NTM: variants seen among roughly 807,000 people sequenced by gnomAD.
NTM encodes the protein neurotrimin, also known as IgLON family member 2.
Under a neutral mutation model 42.1 loss-of-function variants are expected in NTM, and 13 were observed. That is an observed-to-expected ratio of 0.31 (90% CI 0.20 to 0.49). NTM has a LOEUF of 0.49. NTM is among the 20% of genes least tolerant of loss of function. The pLI, the probability that NTM is intolerant of heterozygous loss-of-function variation, is 0.99. For missense variants in NTM, 373 were observed against 452.8 expected (o/e 0.82, Z 1.60); for synonymous variants, 187 against 179.2 (o/e 1.04, Z -0.35).
intron 1 of NTM, among the ~76,000 whole-genome samples, chr11:131,572,100 C>T (rs2057491983): frequency 6.6e-6 from 1 of 152,174 alleles, no homozygotes; most frequent in Admixed American, 6.5e-5. Context: ...ACCCACGGTG[C>T]TTGGCTGGTG....
intron 1 of NTM, among the ~76,000 whole-genome samples, chr11:131,901,892 G>A (rs1306124787): frequency 6.6e-6 from 1 of 152,200 alleles, no homozygotes; most frequent in Non-Finnish European, 1.5e-5. Flanking sequence ...CTCACGACCT[G>A]CAGTACCACT....
intron 1 of NTM, among the ~76,000 whole-genome samples, chr11:131,903,339 G>A (rs1429289500): frequency 2.0e-5 from 3 of 152,076 alleles, no homozygotes; most frequent in Non-Finnish European, 4.4e-5. Flanking sequence ...TTCCCAAATG[G>A]GCAATTAATT....
chr11:131,496,316 C>A (rs1260722761), intron 1 of NTM, among the ~76,000 whole-genome samples: 1 of 152,222 alleles, frequency 6.6e-6, no homozygotes. Context: ...TGGAGTTCAG[C>A]CCCATGTCTG....
Position 132,228,780 on chromosome 11 carries a change from C to A in NTM, c.526+16633C>A, listed in dbSNP as rs377332776. 1.5e-4 allele frequency among the ~76,000 whole-genome samples: 23 copies of A among 152,330 alleles called. 1 individual carries two copies. The highest frequency in any genetic ancestry group is 5.3e-4 in the African/African-American group (22 of 41,584). ...CGTGTGCTGACATGTCTTCTCTCTG[C>A]ATCACCAGTTTCCTAGACCTCTTGG... On this transcript the variant is annotated intron_variant, in intron 4 of 8. Transcript: ENST00000683400.
intron 1 of NTM, among the ~76,000 whole-genome samples, chr11:131,895,829 G>A (rs2052179257): frequency 6.6e-6 from 1 of 152,124 alleles, no homozygotes; most frequent in Non-Finnish European, 1.5e-5. Flanking sequence ...AACCTGAATA[G>A]GATTTAGAAA....
At chr11:132,274,057 C>A (rs2093614575) in intron 4 of NTM, among the ~76,000 whole-genome samples, 1 of 152,050 alleles carries the variant, frequency 6.6e-6, no homozygotes, top group South Asian at 2.1e-4. Flanking sequence ...CCTTTTTGTT[C>A]TGTAAGTTTG....
intron 3 of NTM, among the ~76,000 whole-genome samples, chr11:132,154,555 G>T (rs549484906): frequency 3.3e-4 from 50 of 152,292 alleles, no homozygotes; most frequent in African/African-American, 1.1e-3. Flanking sequence ...CAAATAGAGG[G>T]TGTGGTACTG....
intron 1 of NTM, among the ~76,000 whole-genome samples, chr11:131,775,897 C>A (rs1302799910): frequency 2.0e-5 from 3 of 152,130 alleles, no homozygotes; most frequent in African/African-American, 7.2e-5. Context: ...TAATAAGTGA[C>A]TATTTGGGAT....
At chr11:132,162,036 C>T (rs2074398578) in intron 3 of NTM, among the ~76,000 whole-genome samples, 1 of 152,204 alleles carries the variant, frequency 6.6e-6, no homozygotes, top group South Asian at 2.1e-4. Context: ...CACTAGGTTT[C>T]AGGTGTCTTT....
intron 7 of NTM, 168 bp downstream of exon 7, chr11:132,314,871 CAGAGAGACAGG>C (rs1446933888): frequency 1.8e-5 from 25 of 1,363,614 alleles, no homozygotes; most frequent in Non-Finnish European, 2.3e-5. Flanking sequence ...GAGAGAGGGA[CAGAGAGACAGG>C]GAGGAGGCAG....
At chr11:132,048,828 T>C (rs1594111962) in intron 2 of NTM, among the ~76,000 whole-genome samples, 2 of 124,900 alleles carry the variant, frequency 1.6e-5, no homozygotes, top group East Asian at 1.9e-4. Context: ...CTTTTTTTTT[T>C]TTTTTTTTTA....
At chr11:131,618,396 C>T (rs2137620460) in intron 1 of NTM, among the ~76,000 whole-genome samples, 1 of 152,344 alleles carries the variant, frequency 6.6e-6, no homozygotes, top group African/African-American at 2.4e-5. Flanking sequence ...TGGCCAAGTG[C>T]AATCCAAGAT....
At chr11:131,950,030 G>A (rs1175913694) in intron 2 of NTM, among the ~76,000 whole-genome samples, 1 of 152,144 alleles carries the variant, frequency 6.6e-6, no homozygotes, top group Non-Finnish European at 1.5e-5. Flanking sequence ...CTACCTTGGT[G>A]CTTGACCATA....
chr11:132,090,562 T>C (rs1224186480), intron 2 of NTM, among the ~76,000 whole-genome samples: 2 of 152,132 alleles, frequency 1.3e-5, no homozygotes, highest in Non-Finnish European at 2.9e-5. Context: ...AATCAGAAAA[T>C]TTAGTGAAAT....
intron 7 of NTM, among the ~76,000 whole-genome samples, chr11:132,320,927 A>T (rs1317039657): frequency 6.6e-6 from 1 of 151,380 alleles, no homozygotes; most frequent in Non-Finnish European, 1.5e-5. Flanking sequence ...CTGACACCTC[A>T]CACTGCAGGG....
intron 1 of NTM, among the ~76,000 whole-genome samples, chr11:131,824,154 G>A (rs1312289724): frequency 2.0e-5 from 3 of 152,338 alleles, no homozygotes; most frequent in East Asian, 3.9e-4. Flanking sequence ...ACATAAGCTT[G>A]AGGCTGAAGA....
At chr11:131,837,429 T>C (rs1369677359) in intron 1 of NTM, among the ~76,000 whole-genome samples, 1 of 152,208 alleles carries the variant, frequency 6.6e-6, no homozygotes, top group Admixed American at 6.5e-5. Flanking sequence ...GATTTCTTTG[T>C]AATCTAAGAA....
chr11:131,428,965 G>C (rs1316659055), intron 1 of NTM, among the ~76,000 whole-genome samples: 1 of 151,760 alleles, frequency 6.6e-6, no homozygotes, highest in African/African-American at 2.4e-5. Flanking sequence ...TGAAGCAGGA[G>C]AATTGTTCGA....
intron 2 of NTM, among the ~76,000 whole-genome samples, chr11:132,019,682 A>T (rs2074026247): frequency 6.6e-6 from 1 of 152,014 alleles, no homozygotes; most frequent in Non-Finnish European, 1.5e-5. Flanking sequence ...TGGTATATAT[A>T]TTCATCCTGT....
Sources: allele counts gnomAD v4.1 joint callset (sites outside exome capture counted in the v4.1 genomes callset), GRCh38; gene constraint gnomAD v4.1.1; transcripts MANE v1.5; gene names NCBI Gene and HGNC (gene_info 2026-07-23, HGNC 2026-07-21).